Variants in HECTD4 observed in about 807,000 individuals in gnomAD.
The protein encoded by HECTD4 is HECT domain E3 ubiquitin protein ligase 4, also known as probable E3 ubiquitin-protein ligase HECTD4.
HECTD4 carries 114 observed loss-of-function variants against 471.5 expected under a neutral mutation model. That is an observed-to-expected ratio of 0.24 (90% CI 0.21 to 0.28). The LOEUF (loss-of-function observed/expected upper bound fraction) is 0.28, where lower values mean the gene tolerates loss of function less well. Ranked by LOEUF, HECTD4 falls within the 10% of genes least tolerant of loss-of-function variation. The pLI is 1.00. For missense variants in HECTD4, 3,866 were observed against 5,651.5 expected (o/e 0.68, Z 10.13); for synonymous variants, 2,012 against 2,256.0 (o/e 0.89, Z 3.07).
intron 1 of HECTD4, among the ~76,000 whole-genome samples, chr12:112,362,651 G>A (rs2036472402): frequency 6.6e-6 from 1 of 152,112 alleles, no homozygotes; most frequent in Admixed American, 6.6e-5. Context: ...CAGGTGGGGA[G>A]CGTTATGTTA....
chr12:112,168,677 G>A (rs989655875), intron 70 of HECTD4, among the ~76,000 whole-genome samples: 1 of 152,234 alleles, frequency 6.6e-6, no homozygotes, highest in African/African-American at 2.4e-5. Flanking sequence ...GCTGACGCCT[G>A]GAAGGCCAGG....
Position 112,163,853 on chromosome 12 carries a change from G to A in HECTD4, c.12702-116C>T, listed in dbSNP as rs562592155. 571 of 1,020,120 alleles carry A rather than the reference G, an allele frequency of 5.6e-4. 4 individuals are homozygous for A. In the African/African-American group the frequency reaches 7.8e-3, roughly 14 times the overall value. 63.2% of individuals were successfully genotyped at this position (1,020,120 alleles called of 1,614,324 possible). On this transcript the variant is annotated intron_variant, in intron 73 of 75. Coordinates refer to ENST00000682272, the MANE Select transcript of HECTD4 (RefSeq NM_001388303.1). This position sits in a 1 kb window ranked among gnomAD's most constrained non-coding sequence, Gnocchi z 8.2. ...TCTCTTGGGAGAGGCCTGGGGCCCA[G>A]CCGCCCTGGTCATCCCAGTCCTTTC...
chr12:112,244,051 T>G (rs2033701865), intron 29 of HECTD4, 42 bp from the exon 30 acceptor site: 1 of 1,605,424 alleles, frequency 6.2e-7, no homozygotes, highest in South Asian at 1.1e-5. Flanking sequence ...TTCTGCTATC[T>G]GTACAACAGC....
intron 7 of HECTD4, among the ~76,000 whole-genome samples, chr12:112,291,169 T>C (rs2034877081): frequency 6.6e-6 from 1 of 152,182 alleles, no homozygotes; most frequent in African/African-American, 2.4e-5. Flanking sequence ...AAAATGTTTC[T>C]TTACAAAATT....
intron 7 of HECTD4, among the ~76,000 whole-genome samples, chr12:112,291,598 C>A (rs964691248): frequency 6.6e-6 from 1 of 151,886 alleles, no homozygotes; most frequent in East Asian, 1.9e-4. Context: ...AAGAGCCAGG[C>A]GCAGTGGCTC....
At chr12:112,287,122 G>C (rs1594011633) in intron 7 of HECTD4, among the ~76,000 whole-genome samples, 1 of 152,092 alleles carries the variant, frequency 6.6e-6, no homozygotes, top group Non-Finnish European at 1.5e-5. Flanking sequence ...TCTTTCCTTA[G>C]AAAGGCCTTA....
Position 112,185,035 on chromosome 12 carries a change from T to C in HECTD4, c.9931A>G (p.Lys3311Glu). The change falls in exon 61 of 76, where the codon AAG becomes GAG. Residue 3311 changes from lysine to glutamate, a missense_variant. Physicochemically the swap from Lys to Glu is moderately conservative, Grantham distance 56. Coordinates refer to ENST00000682272, the MANE Select transcript of HECTD4 (RefSeq NM_001388303.1). Reference sequence around the variant, plus strand: ...CGCTTCATCTTGACTTTTTTCCTCTTGGAGAGGAGGCTGGGACTCTGTGGG... The same window carrying C: ...CGCTTCATCTTGACTTTTTTCCTCTCGGAGAGGAGGCTGGGACTCTGTGGG... Reference protein sequence around the residue: ...QTPQSPSLLSKRKKVKMKREK... With the variant: ...QTPQSPSLLSERKKVKMKREK... The C allele has an allele frequency of 6.3e-7, 1 of 1,596,916 alleles. No homozygotes were observed.
intron 65 of HECTD4, among the ~76,000 whole-genome samples, chr12:112,176,205 C>G (rs1319625133): frequency 6.6e-6 from 1 of 152,254 alleles, no homozygotes; most frequent in Non-Finnish European, 1.5e-5. Context: ...TTTCTGGAGG[C>G]TTGCATTCTA....
At chr12:112,300,348 A>G (rs2035138990) in intron 7 of HECTD4, among the ~76,000 whole-genome samples, 1 of 151,958 alleles carries the variant, frequency 6.6e-6, no homozygotes, top group East Asian at 1.9e-4. Flanking sequence ...GAAAGAAACA[A>G]AAACAATTTC....
chr12:112,332,141 T>TACA (rs1370716996), intron 1 of HECTD4, among the ~76,000 whole-genome samples: 152 of 151,976 alleles, frequency 1.0e-3, no homozygotes, highest in African/African-American at 3.5e-3. Context: ...CAAGCAGAAA[T>TACA]AGGAAGTTAC....
At chr12:112,336,750 G>A (rs1450418386) in intron 1 of HECTD4, among the ~76,000 whole-genome samples, 2 of 152,120 alleles carry the variant, frequency 1.3e-5, no homozygotes, top group East Asian at 3.8e-4. Context: ...GAGAAAAGAA[G>A]GTAGAAGTAC....
intron 1 of HECTD4, among the ~76,000 whole-genome samples, chr12:112,373,193 C>T (rs2036716472): frequency 6.6e-6 from 1 of 152,174 alleles, no homozygotes; most frequent in South Asian, 2.1e-4. Context: ...AACTATCTTA[C>T]CTTTGTCAAG....
intron 41 of HECTD4, among the ~76,000 whole-genome samples, 199 bp from the exon 42 acceptor site, chr12:112,229,010 A>G (rs748333040): frequency 6.6e-6 from 1 of 152,180 alleles, no homozygotes; most frequent in African/African-American, 2.4e-5. Context: ...TGATCACAAC[A>G]TGCTGTCATC....
intron 55 of HECTD4, among the ~76,000 whole-genome samples, chr12:112,198,740 T>C (rs777381325): frequency 1.4e-4 from 21 of 152,176 alleles, no homozygotes; most frequent in Non-Finnish European, 2.4e-4. Context: ...ATGAGATTAT[T>C]TGTGAGTTAA....
intron 60 of HECTD4, among the ~76,000 whole-genome samples, chr12:112,189,925 T>C (rs1360999873): frequency 6.6e-6 from 1 of 152,120 alleles, no homozygotes; most frequent in Non-Finnish European, 1.5e-5. Flanking sequence ...GGCCAATTTT[T>C]TGTATTTAGT....
rs371033442 is a variant in HECTD4, at chr12:112,164,321, G to A, written c.12535-46C>T. 3.7e-5 allele frequency: 58 copies of A among 1,568,266 alleles called. No homozygotes were observed. In the African/African-American group the frequency reaches 7.4e-4, roughly 20 times the overall value. ...GAGGCTCATTATGAGGCCATGGGAG[G>A]TGGAACCCTGATCCCCAGGTGGCTG... On this transcript the variant is annotated intron_variant, in intron 72 of 75. Transcript: ENST00000682272.
intron 3 of HECTD4, among the ~76,000 whole-genome samples, chr12:112,313,859 T>C (rs1197850053): frequency 6.6e-6 from 1 of 152,174 alleles, no homozygotes; most frequent in Admixed American, 6.5e-5. Flanking sequence ...AAATATACTA[T>C]TTTATGTGTA....
At chr12:112,353,394 A>C (rs1373219493) in intron 1 of HECTD4, among the ~76,000 whole-genome samples, 2 of 152,244 alleles carry the variant, frequency 1.3e-5, no homozygotes, top group Non-Finnish European at 2.9e-5. Context: ...ACCCATGTAC[A>C]GACTATTTTG....
At chr12:112,222,629 C>T (rs371520459) in intron 44 of HECTD4, among the ~76,000 whole-genome samples, 3 of 152,060 alleles carry the variant, frequency 2.0e-5, no homozygotes, top group Admixed American at 6.6e-5. Flanking sequence ...ATCGTGCCAC[C>T]GCACTCCAGC....
Sources: allele counts gnomAD v4.1 joint callset (sites outside exome capture counted in the v4.1 genomes callset), GRCh38; gene constraint gnomAD v4.1.1; non-coding constraint Gnocchi (gnomAD v3.1); transcripts MANE v1.5; gene names NCBI Gene and HGNC (gene_info 2026-07-23, HGNC 2026-07-21).